BTBD7: variants seen among roughly 807,000 people sequenced by gnomAD.
BTBD7 encodes BTB/POZ domain-containing protein 7.
BTBD7 carries 38 observed loss-of-function variants against 99.9 expected under a neutral mutation model. The observed-to-expected ratio is 0.38, with a 90% CI of 0.29 to 0.50. The LOEUF (loss-of-function observed/expected upper bound fraction) is 0.50. Among genes scored for constraint, BTBD7 ranks in the 20% least tolerant of loss-of-function variants. The probability of loss-of-function intolerance (pLI) is 0.93; values close to 1 mark genes in which losing one functional copy is unlikely to be tolerated. For missense variants in BTBD7, 1,170 were observed against 1,394.6 expected (o/e 0.84, Z 2.57); for synonymous variants, 520 against 511.4 (o/e 1.02, Z -0.23).
At chr14:93,272,457 T>C (rs1200321455) in intron 3 of BTBD7, among the ~76,000 whole-genome samples, 1 of 152,182 alleles carries the variant, frequency 6.6e-6, no homozygotes, top group African/African-American at 2.4e-5. Context: ...ATCTAACCAA[T>C]GTGTCCTACA....
intron 1 of BTBD7, among the ~76,000 whole-genome samples, chr14:93,296,456 A>G (rs2052927977): frequency 2.6e-5 from 4 of 152,226 alleles, no homozygotes; most frequent in Admixed American, 2.6e-4. Flanking sequence ...AAGTACTTGG[A>G]CTGAAAATAA....
chr14:93,292,143 C>A (rs567547983), intron 3 of BTBD7, among the ~76,000 whole-genome samples: 1 of 152,120 alleles, frequency 6.6e-6, no homozygotes, highest in Non-Finnish European at 1.5e-5. Context: ...GCCGAAATTG[C>A]GCCATTGCAC....
intron 5 of BTBD7, 29 bp from the exon 6 acceptor site, chr14:93,257,384 A>T (rs1295722654): frequency 6.3e-7 from 1 of 1,577,826 alleles, no homozygotes; most frequent in African/African-American, 1.4e-5. Flanking sequence ...AAAGTTTCCA[A>T]CCAAATCCAA....
At chr14:93,330,208 T>C (rs1428836948) in intron 1 of BTBD7, among the ~76,000 whole-genome samples, 1 of 152,182 alleles carries the variant, frequency 6.6e-6, no homozygotes, top group Non-Finnish European at 1.5e-5. Context: ...AGGATAAAAG[T>C]AGAAATCTCC....
intron 5 of BTBD7, among the ~76,000 whole-genome samples, chr14:93,260,404 C>T (rs2052474126): frequency 6.6e-6 from 1 of 152,176 alleles, no homozygotes; most frequent in South Asian, 2.1e-4. Flanking sequence ...TGGGCTAACC[C>T]TACACACAAA....
chr14:93,305,113 T>C (rs2053055233), intron 1 of BTBD7, among the ~76,000 whole-genome samples: 2 of 152,232 alleles, frequency 1.3e-5, no homozygotes, highest in Admixed American at 6.5e-5. Context: ...GGTAATTACA[T>C]AGTAAAATTC....
chr14:93,294,468 G>A lies in BTBD7; in HGVS notation c.552C>T (p.Asp184=). Residue 184 remains aspartate, a synonymous_variant, in exon 3 of 11, where the codon GAC becomes GAT. Coordinates refer to ENST00000334746, the MANE Select transcript of BTBD7 (RefSeq NM_001002860.4). ...GCATATCAATACCAGCTGTATTGAT[G>A]TCCATTATTATCTCTGCCCCATACT... ...SPEYGAEIIM[D]INTAGIDMPM... The A allele has an allele frequency of 6.2e-7, 1 of 1,614,102 alleles. No individual in the cohort carries two copies. The highest frequency in any genetic ancestry group is 8.5e-7 in the Non-Finnish European group (1 of 1,180,032).
At chr14:93,313,013 C>T (rs1285311323) in intron 1 of BTBD7, among the ~76,000 whole-genome samples, 2 of 152,176 alleles carry the variant, frequency 1.3e-5, no homozygotes, top group African/African-American at 2.4e-5. Flanking sequence ...AGATCTGGCA[C>T]AGCACCCTAA....
At chr14:93,258,158 T>A (rs2052450751) in intron 5 of BTBD7, among the ~76,000 whole-genome samples, 2 of 152,222 alleles carry the variant, frequency 1.3e-5, no homozygotes, top group African/African-American at 4.8e-5. Flanking sequence ...ATGCTGGATT[T>A]TTTTCAAATA....
chr14:93,316,811 C>T (rs2053212231), intron 1 of BTBD7, among the ~76,000 whole-genome samples: 1 of 152,010 alleles, frequency 6.6e-6, no homozygotes, highest in South Asian at 2.1e-4. Flanking sequence ...ATTGCTGTGG[C>T]AAACTGAGAA....
Position 93,238,230 on chromosome 14 carries a change from A to G in BTBD7, c.*4043T>C, listed in dbSNP as rs1364070236. ...CATTATAATATTCAAAATATGGAAG[A>G]TTGACAGTCTGAGGATTTTCTAGAG... On this transcript the variant is annotated 3_prime_UTR_variant, in exon 11 of 11. Transcript: ENST00000334746. The G allele has an allele frequency of 6.6e-6, 1 of 152,612 alleles. No individual in the cohort carries two copies. Among genetic ancestry groups the G allele is most frequent in the African/African-American group, 2.4e-5 (1 of 41,458 alleles). The allele number at this position is 152,612 out of a possible 1,614,324, so 9.5% of individuals were successfully genotyped here. A position where few individuals can be genotyped will look rare whatever the true frequency, so the allele number is the denominator to read the frequency against.
At chr14:93,279,773 A>G (rs945050156) in intron 3 of BTBD7, among the ~76,000 whole-genome samples, 1 of 152,034 alleles carries the variant, frequency 6.6e-6, no homozygotes, top group Non-Finnish European at 1.5e-5. Context: ...ATGGACTATC[A>G]TTTTCATTAC....
At chr14:93,290,511 CTTTTTTTT>C (rs10548430) in intron 3 of BTBD7, among the ~76,000 whole-genome samples, 6 of 76,538 alleles carry the variant, frequency 7.8e-5, no homozygotes, top group Admixed American at 1.6e-4. Flanking sequence ...TGCACTTGGC[CTTTTTTTT>C]TTTTTTTTTT....
Position 93,257,176 on chromosome 14 carries a change from C to T in BTBD7, c.1608+19G>A. On this transcript the variant is annotated intron_variant, in intron 6 of 10. Transcript: ENST00000334746. ...CATTTTTCTTTTCATGAAAGGAATA[C>T]ATGGAGAAAAACACTTACTGCATCA... is the stretch of plus-strand genomic sequence containing the variant. The T allele has an allele frequency of 6.2e-7, 1 of 1,604,772 alleles. No homozygotes were observed. Among genetic ancestry groups the T allele is most frequent in the Non-Finnish European group, 8.5e-7 (1 of 1,176,306 alleles).
At chr14:93,319,632 G>C (rs6575320) in intron 1 of BTBD7, among the ~76,000 whole-genome samples, 58,299 of 151,708 alleles carry the variant, frequency 0.38, 12,354 homozygotes, top group African/African-American at 0.58. Context: ...AAGAGTGAAA[G>C]GGGAGTTGTC....
chr14:93,332,720 C>A, intron 1 of BTBD7, 100 bp downstream of exon 1: 6 of 1,346,080 alleles, frequency 4.5e-6, no homozygotes, highest in Non-Finnish European at 5.7e-6. Flanking sequence ...AGCCCCGGCG[C>A]CCCCACGCCT....
chr14:93,283,823 A>C (rs1472146395), intron 3 of BTBD7, among the ~76,000 whole-genome samples: 2 of 152,180 alleles, frequency 1.3e-5, no homozygotes, highest in Non-Finnish European at 2.9e-5. Context: ...AAGTGCTGGG[A>C]TTACAGGCAT....
rs1016044574 is a variant in BTBD7 at position 93,240,142 on chromosome 14, T to C, written c.*2131A>G. 11 of 152,442 alleles carry C rather than the reference T, an allele frequency of 7.2e-5. No individual in the cohort carries two copies. Among genetic ancestry groups the C allele is most frequent in the African/African-American group, 2.7e-4 (11 of 41,454 alleles). The allele number at this position is 152,442 out of a possible 1,614,324, so 9.4% of individuals were successfully genotyped here. On this transcript the variant is annotated 3_prime_UTR_variant, in exon 11 of 11. Coordinates refer to ENST00000334746, the MANE Select transcript of BTBD7 (RefSeq NM_001002860.4). Reference sequence around the variant, plus strand: ...TTCTCTTTAAAAAAGGAGCCTCGAATGCGATGCACAGCCGACCTGCAGATT... The same window carrying C: ...TTCTCTTTAAAAAAGGAGCCTCGAACGCGATGCACAGCCGACCTGCAGATT...
intron 5 of BTBD7, among the ~76,000 whole-genome samples, chr14:93,259,814 A>G (rs2052468554): frequency 1.3e-5 from 2 of 152,110 alleles, no homozygotes; most frequent in African/African-American, 2.4e-5. Flanking sequence ...CGTGCCTGTA[A>G]TCCCAGCTAC....
Sources: allele counts gnomAD v4.1 joint callset (sites outside exome capture counted in the v4.1 genomes callset), GRCh38; gene constraint gnomAD v4.1.1; transcripts MANE v1.5; gene names NCBI Gene and HGNC (gene_info 2026-07-23, HGNC 2026-07-21).